Variants in DDAH1 observed in about 807,000 individuals in gnomAD.
DDAH1 encodes the protein N(G),N(G)-dimethylarginine dimethylaminohydrolase 1.
Under a neutral mutation model 28.8 loss-of-function variants are expected in DDAH1, and 19 were observed. The observed-to-expected ratio is 0.66, with a 90% CI of 0.46 to 0.97. DDAH1 has a LOEUF of 0.97. Among genes scored for constraint, DDAH1 ranks in the 50% least tolerant of loss-of-function variants. The pLI, the probability that DDAH1 is intolerant of heterozygous loss-of-function variation, is 0.00. For missense variants in DDAH1, 326 were observed against 375.9 expected (o/e 0.87, Z 1.10); for synonymous variants, 153 against 154.4 (o/e 0.99, Z 0.07).
At chr1:85,510,265 G>A (rs1013045859) in intron 1 of DDAH1, among the ~76,000 whole-genome samples, 11 of 152,100 alleles carry the variant, frequency 7.2e-5, no homozygotes, top group African/African-American at 2.2e-4. Flanking sequence ...CATAAGTGAA[G>A]GAGAAATAAA....
upstream of DDAH1, among the ~76,000 whole-genome samples, chr1:85,465,600 T>C (rs1267777334): frequency 6.6e-6 from 1 of 152,218 alleles, no homozygotes; most frequent in African/African-American, 2.4e-5. Context: ...AGATTCTTCA[T>C]GTTGAGCTTA....
At chr1:85,526,146 G>A (rs1657864575) in intron 1 of DDAH1, among the ~76,000 whole-genome samples, 1 of 152,164 alleles carries the variant, frequency 6.6e-6, no homozygotes, top group Non-Finnish European at 1.5e-5. Context: ...TAAGTGTCCT[G>A]TATGTGCTAC....
chr1:85,357,191 G>A (rs1006281133), intron 2 of DDAH1, among the ~76,000 whole-genome samples: 2 of 152,178 alleles, frequency 1.3e-5, no homozygotes, highest in Non-Finnish European at 2.9e-5. Flanking sequence ...GAGTCTGCTT[G>A]GGCACACCCA....
At chr1:85,353,649 A>G (rs532955266) in intron 2 of DDAH1, among the ~76,000 whole-genome samples, 1 of 152,302 alleles carries the variant, frequency 6.6e-6, no homozygotes, top group African/African-American at 2.4e-5. Context: ...AGTCAGCTAC[A>G]ATGAAAAAAT....
intron 2 of DDAH1, among the ~76,000 whole-genome samples, chr1:85,355,781 T>G (rs550218901): frequency 6.6e-6 from 1 of 152,024 alleles, no homozygotes; most frequent in Non-Finnish European, 1.5e-5. Flanking sequence ...ATACATACAT[T>G]ATGGTGTATT....
At chr1:85,353,218 G>A (rs1649316887) in intron 2 of DDAH1, among the ~76,000 whole-genome samples, 1 of 152,028 alleles carries the variant, frequency 6.6e-6, no homozygotes, top group Non-Finnish European at 1.5e-5. Context: ...AATAATTATA[G>A]TATGGAGTTA....
At chr1:85,459,763 C>T (rs926969427) in intron 1 of DDAH1, among the ~76,000 whole-genome samples, 2 of 152,102 alleles carry the variant, frequency 1.3e-5, no homozygotes, top group African/African-American at 4.8e-5. Context: ...ACAAACTGTG[C>T]CTAGGCCATT....
chr1:85,351,398 C>A, intron 3 of DDAH1, 108 bp downstream of exon 3: 1 of 865,716 alleles, frequency 1.2e-6, no homozygotes, highest in Non-Finnish European at 1.9e-6. Context: ...AATTATTGTA[C>A]AAAGCCAGTG....
intron 1 of DDAH1, among the ~76,000 whole-genome samples, chr1:85,460,290 G>C (rs1251293739): frequency 6.6e-6 from 1 of 152,122 alleles, no homozygotes; most frequent in Non-Finnish European, 1.5e-5. Context: ...AATAAAAGGG[G>C]AACATCTATC....
rs1653321633 is a variant in DDAH1 at position 85,424,944 on chromosome 1, TCA to T, written c.303+39797_303+39798del. Among the ~76,000 whole-genome samples the T allele has an allele frequency of 2.0e-5, 3 of 152,246 alleles. No homozygotes were observed. In the South Asian group the frequency reaches 6.2e-4, roughly 32 times the overall value. On this transcript the variant is annotated intron_variant, in intron 1 of 5. Coordinates refer to ENST00000284031, the MANE Select transcript of DDAH1 (RefSeq NM_012137.4). ...GTTATATAAACAATAATGAGAATGATCACAGTCATCCAGTCTATTGTCGTTGG... is the reference window on the plus strand; with the variant it reads ...GTTATATAAACAATAATGAGAATGATCAGTCATCCAGTCTATTGTCGTTGG...
In DDAH1 at chr1:85,455,385, C is replaced by T. The variant is rs553616392; in HGVS notation, c.303+9358G>A. On this transcript the variant is annotated intron_variant, in intron 1 of 5. Transcript: ENST00000284031. ...ATGACTACATCTATACCTTATTTGGCTAACATGTGTACACAGCTAATTATA... is the reference window on the plus strand; with the variant it reads ...ATGACTACATCTATACCTTATTTGGTTAACATGTGTACACAGCTAATTATA... Among the ~76,000 whole-genome samples, 14 of 152,290 alleles carry T rather than the reference C, an allele frequency of 9.2e-5. No homozygotes were observed. The South Asian group carries it at 2.9e-3, about 32-fold the overall frequency.
At position 85,462,429 on chromosome 1, in the gene DDAH1, G is replaced by C. The variant is rs575586222; in HGVS notation, c.303+2314C>G. On this transcript the variant is annotated intron_variant, in intron 1 of 5. Coordinates refer to ENST00000284031, the MANE Select transcript of DDAH1 (RefSeq NM_012137.4). ...CCAGCTTGGCTACAGTGTGGGAATG[G>C]AATGGAAAATTGACAAGACTAGAGG... Among the ~76,000 whole-genome samples the C allele has an allele frequency of 7.0e-4, 107 of 152,252 alleles. 1 individual carries two copies. In the Middle Eastern group the frequency reaches 0.01, roughly 15 times the overall value.
chr1:85,442,857 C>T (rs1654264533), intron 1 of DDAH1, among the ~76,000 whole-genome samples: 1 of 152,152 alleles, frequency 6.6e-6, no homozygotes, highest in Non-Finnish European at 1.5e-5. Context: ...ATATCCTTTG[C>T]CCACTTTTTG....
chr1:85,334,993 G>C (rs1648017785), intron 4 of DDAH1, among the ~76,000 whole-genome samples: 1 of 152,072 alleles, frequency 6.6e-6, no homozygotes, highest in Non-Finnish European at 1.5e-5. Flanking sequence ...CAAAAACTGA[G>C]GGAATTCATC....
At chr1:85,463,160 C>A (rs1655201563) in intron 1 of DDAH1, among the ~76,000 whole-genome samples, 1 of 152,200 alleles carries the variant, frequency 6.6e-6, no homozygotes, top group African/African-American at 2.4e-5. Context: ...GGCCACCAGG[C>A]TGATATCAGA....
At position 85,464,629 on chromosome 1, in the gene DDAH1, G is replaced by C; in HGVS notation, c.303+114C>G. The C allele has an allele frequency of 6.6e-7, 1 of 1,512,386 alleles. No individual in the cohort carries two copies. The allele number at this position is 1,512,386 out of a possible 1,614,324, so 93.7% of individuals were successfully genotyped here. On this transcript the variant is annotated intron_variant, in intron 1 of 5. Transcript: ENST00000284031. This position sits in a 1 kb window ranked among gnomAD's most constrained non-coding sequence, Gnocchi z 4.4. ...ACACACACTCGCCCCCCGACGGGAA[G>C]TTGTGAACTACTAGCCCGAGGGCCA...
chr1:85,416,629 G>A (rs1373785959), intron 1 of DDAH1, among the ~76,000 whole-genome samples: 1 of 152,192 alleles, frequency 6.6e-6, no homozygotes, highest in East Asian at 1.9e-4. Flanking sequence ...AGTGTGGTCA[G>A]ACCTGGAGTG....
Position 85,368,325 on chromosome 1 carries a change from C to T in DDAH1, c.304-9478G>A, listed in dbSNP as rs548145218. Among the ~76,000 whole-genome samples the T allele has an allele frequency of 1.3e-3, 191 of 152,200 alleles. 2 individuals are homozygous for T. The highest frequency in any genetic ancestry group is 2.4e-3 in the Non-Finnish European group (164 of 68,010). On this transcript the variant is annotated intron_variant, in intron 1 of 5. Coordinates refer to ENST00000284031, the MANE Select transcript of DDAH1 (RefSeq NM_012137.4). ...GACAGAAATGTGGAAGGCAAACCCACGGAGCCAGGAGAAATAAAAAGCACT... is the reference window on the plus strand; with the variant it reads ...GACAGAAATGTGGAAGGCAAACCCATGGAGCCAGGAGAAATAAAAAGCACT...
chr1:85,496,766 T>C (rs1417592315), intron 1 of DDAH1, among the ~76,000 whole-genome samples: 1 of 152,102 alleles, frequency 6.6e-6, no homozygotes, highest in Non-Finnish European at 1.5e-5. Context: ...TCATATGAAA[T>C]TGTCTACACA....
Sources: gnomAD v4.1 joint callset for allele counts (sites outside exome capture counted in the v4.1 genomes callset) on GRCh38, gnomAD v4.1.1 for gene constraint, Gnocchi (gnomAD v3.1) non-coding constraint, MANE v1.5 for transcripts, NCBI Gene and HGNC (gene_info 2026-07-23, HGNC 2026-07-21) for gene names.